Variants in DNAH7 observed in about 807,000 individuals in gnomAD.
DNAH7 encodes dynein axonemal heavy chain 7, also known as axonemal beta dynein heavy chain 7.
DNAH7 carries 397 observed loss-of-function variants against 444.6 expected under a neutral mutation model. The ratio of observed to expected loss-of-function variants is 0.89; its 90% confidence interval spans 0.82 to 0.97. The LOEUF (loss-of-function observed/expected upper bound fraction) is 0.97, where lower values mean the gene tolerates loss of function less well. Among genes scored for constraint, DNAH7 ranks in the 50% least tolerant of loss-of-function variants. DNAH7 has a pLI of 0.00. For synonymous variants in DNAH7, 1,636 were observed against 1,624.4 expected (o/e 1.01, Z -0.17); for missense variants, 4,902 against 4,800.8 (o/e 1.02, Z -0.62).
At chr2:195,965,296 C>G (rs1235513786) in intron 17 of DNAH7, among the ~76,000 whole-genome samples, 2 of 152,288 alleles carry the variant, frequency 1.3e-5, no homozygotes, top group East Asian at 3.9e-4. Context: ...GTAGAACCAT[C>G]CTTACATCCC....
At chr2:196,046,903 C>T (rs1697164800) in intron 5 of DNAH7, among the ~76,000 whole-genome samples, 1 of 152,178 alleles carries the variant, frequency 6.6e-6, no homozygotes, top group Admixed American at 6.5e-5. Flanking sequence ...CTTGCATCTG[C>T]CTTGCTCTTT....
intron 51 of DNAH7, among the ~76,000 whole-genome samples, chr2:195,814,487 C>T (rs909384301): frequency 2.0e-5 from 3 of 152,032 alleles, no homozygotes; most frequent in Non-Finnish European, 4.4e-5. Flanking sequence ...CAATAAAGGA[C>T]CCATCATTAT....
intron 17 of DNAH7, among the ~76,000 whole-genome samples, chr2:195,966,174 A>C (rs1559282994): frequency 6.6e-6 from 1 of 152,112 alleles, no homozygotes; most frequent in East Asian, 1.9e-4. Flanking sequence ...TGTTTCAAGA[A>C]ATTTTTCCAT....
At chr2:196,018,078 C>A (rs1476925851) in intron 9 of DNAH7, among the ~76,000 whole-genome samples, 1 of 151,936 alleles carries the variant, frequency 6.6e-6, no homozygotes, top group East Asian at 1.9e-4. Context: ...CTCTGTTATT[C>A]TAAGAGGTTA....
At chr2:195,776,282 A>G (rs983059204) in intron 59 of DNAH7, among the ~76,000 whole-genome samples, 19 of 152,222 alleles carry the variant, frequency 1.2e-4, no homozygotes, top group Middle Eastern at 6.8e-3. Flanking sequence ...CGTCTCTCCT[A>G]AAAATACAAA....
chr2:195,969,889 C>A, intron 17 of DNAH7, 59 bp downstream of exon 17: 2 of 1,532,764 alleles, frequency 1.3e-6, no homozygotes, highest in Non-Finnish European at 1.8e-6. Context: ...ATAACTAAAA[C>A]GAATTCAATG....
chr2:195,868,200 A>G (rs921591379), intron 40 of DNAH7, among the ~76,000 whole-genome samples: 6 of 141,704 alleles, frequency 4.2e-5, no homozygotes, highest in African/African-American at 1.6e-4. Flanking sequence ...GGTTCATGCC[A>G]TTCTCCTGCC....
At chr2:195,764,914 A>T (rs1303031132) in intron 61 of DNAH7, among the ~76,000 whole-genome samples, 4 of 151,986 alleles carry the variant, frequency 2.6e-5, no homozygotes, top group African/African-American at 9.7e-5. Context: ...ACCACATAAG[A>T]CCCAGAATAG....
intron 49 of DNAH7, 76 bp downstream of exon 49, chr2:195,824,179 C>G (rs1257690550): frequency 7.5e-7 from 1 of 1,325,198 alleles, no homozygotes; most frequent in Non-Finnish European, 1.0e-6. Context: ...AAGACTTGTT[C>G]TTCTTATGAC....
At chr2:195,881,109 A>G (rs1431864513) in intron 36 of DNAH7, among the ~76,000 whole-genome samples, 5 of 152,096 alleles carry the variant, frequency 3.3e-5, no homozygotes, top group Non-Finnish European at 7.4e-5. Context: ...ACTTTATGAG[A>G]GATGTCATTC....
intron 53 of DNAH7, 113 bp from the exon 54 acceptor site, chr2:195,806,945 A>T (rs1398139364): frequency 8.6e-6 from 6 of 697,420 alleles, no homozygotes; most frequent in African/African-American, 1.8e-5. Context: ...TGCTTGTCTA[A>T]ATTTTACTAT....
At chr2:195,765,735 A>C (rs1694542001) in intron 61 of DNAH7, among the ~76,000 whole-genome samples, 1 of 152,180 alleles carries the variant, frequency 6.6e-6, no homozygotes, top group Non-Finnish European at 1.5e-5. Context: ...TAACAAATGC[A>C]GGTGAGAATG....
At chr2:195,777,013 G>T (rs1280342452) in intron 59 of DNAH7, among the ~76,000 whole-genome samples, 1 of 152,176 alleles carries the variant, frequency 6.6e-6, no homozygotes, top group African/African-American at 2.4e-5. Context: ...AGTGACCTAG[G>T]CTTTGGGAGT....
At position 195,855,700 on chromosome 2, in the gene DNAH7, C is replaced by A. The variant is rs1011293685; in HGVS notation, c.8595+111G>T. ...ATGTGGCCTGCGGGTCATAGTTTGC[C>A]AATCCCTGACCAGGAAGGAAACAGG... On this transcript the variant is annotated intron_variant, in intron 45 of 64. Transcript: ENST00000312428. 45 of 1,236,590 alleles carry A rather than the reference C, an allele frequency of 3.6e-5. No individual in the cohort carries two copies. The African/African-American group carries it at 4.8e-4, about 13-fold the overall frequency. The allele number at this position is 1,236,590 out of a possible 1,614,324, so 76.6% of individuals were successfully genotyped here.
At chr2:195,762,273 G>A (rs1042742768) in intron 61 of DNAH7, among the ~76,000 whole-genome samples, 5 of 152,082 alleles carry the variant, frequency 3.3e-5, no homozygotes, top group Non-Finnish European at 7.4e-5. Context: ...AAAGCAAGAA[G>A]TTAAAACATA....
At chr2:195,830,177 T>C (rs1213744543) in intron 48 of DNAH7, among the ~76,000 whole-genome samples, 1 of 152,116 alleles carries the variant, frequency 6.6e-6, no homozygotes, top group Non-Finnish European at 1.5e-5. Flanking sequence ...TGTTAAAACC[T>C]CATTTCTCAT....
At chr2:196,001,954 T>G in intron 10 of DNAH7, 96 bp from the exon 11 acceptor site, 2 of 968,146 alleles carry the variant, frequency 2.1e-6, no homozygotes, top group Non-Finnish European at 1.5e-6. Context: ...TCTAAAGGTC[T>G]TCATAGAGAA....
At chr2:196,019,336 G>T (rs1695227289) in intron 8 of DNAH7, 41 bp from the exon 9 acceptor site, 2 of 1,417,504 alleles carry the variant, frequency 1.4e-6, no homozygotes, top group South Asian at 1.8e-5. Flanking sequence ...CTCAAAAAAA[G>T]TATTTTTATA....
At position 195,861,716 on chromosome 2, in the gene DNAH7, CCTT is replaced by C. The variant is rs1195050821; in HGVS notation, c.7734_7736del (p.Arg2578del). ...TTAGAAATATGAAATTTGATTTTTA[CCTT>C]CTTTTCTTTTCTAACAACAGTTTGA... On this transcript the variant is annotated inframe_deletion and splice_region_variant, in exon 42 of 65. Coordinates refer to ENST00000312428, the MANE Select transcript of DNAH7 (RefSeq NM_018897.3). The C allele has an allele frequency of 2.9e-5, 46 of 1,599,498 alleles. No homozygotes were observed. Among genetic ancestry groups the C allele is most frequent in the East Asian group, 4.5e-5 (2 of 44,704 alleles).
Sources: allele counts gnomAD v4.1 joint callset (sites outside exome capture counted in the v4.1 genomes callset), GRCh38; gene constraint gnomAD v4.1.1; transcripts MANE v1.5; gene names NCBI Gene and HGNC (gene_info 2026-07-23, HGNC 2026-07-21).